Variants in REXO4 observed in about 807,000 individuals in gnomAD.
REXO4 encodes the protein RNA exonuclease 4.
REXO4 carries 29 observed loss-of-function variants against 39.9 expected under a neutral mutation model. The ratio of observed to expected loss-of-function variants is 0.73; its 90% CI spans 0.54 to 0.99. The LOEUF is 0.99. Ranked by LOEUF, REXO4 falls within the 50% of genes least tolerant of loss-of-function variation. The probability of loss-of-function intolerance (pLI) is 0.00; values close to 1 mark genes in which losing one functional copy is unlikely to be tolerated. For missense variants in REXO4, 524 were observed against 546.5 expected (o/e 0.96, Z 0.41); for synonymous variants, 184 against 206.2 (o/e 0.89, Z 0.92).
chr9:133,407,025 C>T lies in REXO4; in HGVS notation c.1197G>A (p.Lys399=), dbSNP rs1554778992. ...TGTCTCGGGCCATGCTCTCCCACTC[C>T]TTCTTCACCATGACGTACAGCCTCA... The part of the protein sequence containing the change: ...AAMRLYVMVK[K]EWESMARDRR... Residue 399 remains lysine (K), a synonymous_variant, in exon 8 of 8, where the codon AAG becomes AAA. Transcript: ENST00000371942. 2 of 1,597,832 alleles carry T rather than the reference C, an allele frequency of 1.3e-6. No individual in the cohort carries two copies. Among genetic ancestry groups the T allele is most frequent in the East Asian group, 2.2e-5 (1 of 44,858 alleles).
intron 4 of REXO4, among the ~76,000 whole-genome samples, chr9:133,411,498 A>G (rs1839209916): frequency 6.6e-6 from 1 of 152,336 alleles, no homozygotes; most frequent in African/African-American, 2.4e-5. Flanking sequence ...GTGTTGCCCT[A>G]GGCCCTGGGC....
At position 133,406,958 on chromosome 9, in the gene REXO4, C is replaced by A. The variant is rs782558613; in HGVS notation, c.1264G>T (p.Ala422Ser). The change falls in exon 8 of 8, where the codon GCC (alanine) becomes TCC (serine). Residue 422 changes from alanine to serine, a missense_variant. By Grantham distance (99) the Ala-to-Ser change is moderately conservative (BLOSUM62 1). Transcript: ENST00000371942. The part of the protein sequence containing the change: ...LTAPDHCSDD[A>S] The stretch of plus-strand genomic sequence containing the variant: ...GCAGCAGCAGGGCAGGACTGCTAGG[C>A]GTCGTCACTGCAGTGGTCTGGAGCA... The A allele has an allele frequency of 3.1e-6, 5 of 1,610,910 alleles. No homozygotes were observed. The South Asian group carries it at 4.4e-5, about 14-fold the overall frequency.
intron 7 of REXO4, 105 bp downstream of exon 7, chr9:133,407,702 G>A (rs1838977901): frequency 2.6e-6 from 2 of 773,688 alleles, no homozygotes; most frequent in African/African-American, 1.8e-5. Context: ...GGATAAGTAG[G>A]TGCCCAAGCC....
At chr9:133,408,450 C>G (rs587650517) in intron 6 of REXO4, among the ~76,000 whole-genome samples, 2 of 148,818 alleles carry the variant, frequency 1.3e-5, no homozygotes, top group Non-Finnish European at 3.0e-5. Flanking sequence ...CAGAGCAAGA[C>G]CCTGTCTAAA....
At chr9:133,408,931 T>C in intron 5 of REXO4, 89 bp from the exon 6 acceptor site, 1 of 530,676 alleles carries the variant, frequency 1.9e-6, no homozygotes, top group Non-Finnish European at 3.3e-6. Flanking sequence ...GCAAGTAACA[T>C]CTTTGTGTGT....
At position 133,412,809 on chromosome 9, in the gene REXO4, G is replaced by C; in HGVS notation, c.685C>G (p.Leu229Val). Reference protein sequence around the residue: ...QLGQSEGSVSLSLVKEQAFGG... With the variant: ...QLGQSEGSVSVSLVKEQAFGG... The stretch of plus-strand genomic sequence containing the variant: ...AAGGCCTGCTCTTTCACGAGGCTGA[G>C]GCTGACGCTGCCCTCGCTCTGACCC... Residue 229 changes from leucine (L) to valine (V), a missense_variant, in exon 3 of 8, where the codon CTC becomes GTC. Leu to Val is a conservative substitution (Grantham distance 32). Transcript: ENST00000371942. 1 of 1,613,656 alleles carries C rather than the reference G, an allele frequency of 6.2e-7. No individual in the cohort carries two copies. Among genetic ancestry groups the C allele is most frequent in the Non-Finnish European group, 8.5e-7 (1 of 1,180,024 alleles).
intron 4 of REXO4, among the ~76,000 whole-genome samples, chr9:133,411,878 A>G (rs1191627067): frequency 1.3e-5 from 2 of 152,092 alleles, no homozygotes; most frequent in African/African-American, 4.8e-5. Context: ...GTGAGCCCAG[A>G]TTGTGCCATT....
intron 2 of REXO4, 161 bp downstream of exon 2, chr9:133,414,504 A>G: frequency 5.4e-6 from 4 of 746,188 alleles, no homozygotes; most frequent in Non-Finnish European, 9.5e-6. Flanking sequence ...TCATGCGCAC[A>G]CTCTAGGGGA....
At chr9:133,411,324 A>C (rs587773908) in intron 4 of REXO4, among the ~76,000 whole-genome samples, 2 of 152,232 alleles carry the variant, frequency 1.3e-5, no homozygotes, top group Non-Finnish European at 2.9e-5. Flanking sequence ...CACAGTCTGC[A>C]AAGTCGGCTC....
At chr9:133,409,363 T>C (rs983254203) in intron 5 of REXO4, among the ~76,000 whole-genome samples, 1 of 152,162 alleles carries the variant, frequency 6.6e-6, no homozygotes, top group Non-Finnish European at 1.5e-5. Flanking sequence ...TTTATTGCAC[T>C]GACTTAAGCT....
chr9:133,417,950 C>G lies in REXO4; in HGVS notation c.-106G>C. On this transcript the variant is annotated 5_prime_UTR_variant, in exon 1 of 8. Transcript: ENST00000371942. ...CCTGCCCAGGCCAGGCCGAAACACACCCACCGCAGGGACCCCGTCCAGGAA... is the reference window on the plus strand; with the variant it reads ...CCTGCCCAGGCCAGGCCGAAACACAGCCACCGCAGGGACCCCGTCCAGGAA... 16 of 1,058,442 alleles carry G rather than the reference C, an allele frequency of 1.5e-5. No individual in the cohort carries two copies. The South Asian group carries it at 2.4e-4, about 16-fold the overall frequency. The allele number at this position is 1,058,442 out of a possible 1,614,324, so 65.6% of individuals were successfully genotyped here. A position where few individuals can be genotyped will look rare whatever the true frequency, so the allele number is the denominator to read the frequency against.
Position 133,408,760 on chromosome 9 carries a change from C to A in REXO4, c.1074+8G>T. ...TACAGTATCTTGAGTCACACTCATT[C>A]TAAGTACCTTTACTTGACTCTTGAA... is the stretch of plus-strand genomic sequence containing the variant. On this transcript the variant is annotated splice_region_variant and intron_variant, in intron 6 of 7. Coordinates refer to ENST00000371942, the MANE Select transcript of REXO4 (RefSeq NM_020385.4). 4.4e-6 allele frequency: 7 copies of A among 1,573,092 alleles called. No homozygotes were observed. The highest frequency in any genetic ancestry group is 6.1e-6 in the Non-Finnish European group (7 of 1,145,770).
At chr9:133,408,930 ATCTTTGTGTGTGTGTGTGTGTGTGTG>A in intron 5 of REXO4, 88 bp from the exon 6 acceptor site, 1 of 529,932 alleles carries the variant, frequency 1.9e-6, no homozygotes, top group Non-Finnish European at 3.3e-6. Context: ...TGCAAGTAAC[ATCTTTGTGTGTGTGTGTGTGTGTGTG>A]TGTGTGTGTG....
chr9:133,407,051 T>C lies in REXO4; in HGVS notation c.1171A>G (p.Met391Val), dbSNP rs1049998148. Residue 391 changes from methionine to valine, a missense_variant, in exon 8 of 8, where the codon ATG becomes GTG. Physicochemically the swap from Met to Val is conservative, Grantham distance 21. Coordinates refer to ENST00000371942, the MANE Select transcript of REXO4 (RefSeq NM_020385.4). Reference protein sequence around the residue: ...HCSIQDAQAAMRLYVMVKKEW... With the variant: ...HCSIQDAQAAVRLYVMVKKEW... The stretch of plus-strand genomic sequence containing the variant: ...TTCTTCACCATGACGTACAGCCTCA[T>C]TGCTGCCTGGGCATCCTGAATCTAG... The C allele has an allele frequency of 6.2e-7, 1 of 1,613,208 alleles. No homozygotes were observed. The highest frequency in any genetic ancestry group is 1.3e-5 in the African/African-American group (1 of 74,920).
intron 5 of REXO4, among the ~76,000 whole-genome samples, chr9:133,409,358 T>C (rs4962141): frequency 0.1 from 15,977 of 152,162 alleles, 1,051 homozygotes; most frequent in African/African-American, 0.18. Context: ...GGAAATTTAT[T>C]GCACTGACTT....
rs587706754 is a variant in REXO4, at chr9:133,407,733, T to C, written c.1149+74A>G. ...AAGCCCCACCTCCCCCATGTCTGTG[T>C]CAGGTGACTCATGTCTGGTTCCAGG... is the stretch of plus-strand genomic sequence containing the variant. On this transcript the variant is annotated intron_variant, in intron 7 of 7. Coordinates refer to ENST00000371942, the MANE Select transcript of REXO4 (RefSeq NM_020385.4). 4 of 1,184,452 alleles carry C rather than the reference T, an allele frequency of 3.4e-6. No homozygotes were observed. The Admixed American group carries it at 7.5e-5, about 22-fold the overall frequency. 73.4% of individuals were successfully genotyped at this position (1,184,452 alleles called of 1,614,324 possible). A position where few individuals can be genotyped will look rare whatever the true frequency, so the allele number is the denominator to read the frequency against.
intron 1 of REXO4, chr9:133,415,713 GA>G (rs1433064601): frequency 1.3e-5 from 2 of 152,240 alleles, no homozygotes; most frequent in Non-Finnish European, 2.9e-5. Context: ...GGATGAATTA[GA>G]AAACACTCCA....
rs587595681 is a variant in REXO4 at position 133,411,033 on chromosome 9, C to G, written c.951G>C (p.Met317Ile). The change falls in exon 5 of 8, where the codon ATG (methionine) becomes ATC (isoleucine). Residue 317 changes from methionine (M) to isoleucine (I), a missense_variant. Coordinates refer to ENST00000371942, the MANE Select transcript of REXO4 (RefSeq NM_020385.4). ...GCCCCACTAGAATTCTGCCCTTCAG[C>G]ATCTCTGCCACTTCCTTCTGAACAA... ...LEVVQKEVAE[M>I]LKGRILVGHA... The G allele has an allele frequency of 6.2e-7, 1 of 1,614,208 alleles. No individual in the cohort carries two copies. The highest frequency in any genetic ancestry group is 1.3e-5 in the African/African-American group (1 of 75,066).
At chr9:133,410,448 T>G (rs923167008) in intron 5 of REXO4, among the ~76,000 whole-genome samples, 1 of 152,226 alleles carries the variant, frequency 6.6e-6, no homozygotes, top group Non-Finnish European at 1.5e-5. Flanking sequence ...GCCCAGGGTC[T>G]GTATATGTCT....
Sources: gnomAD v4.1 joint callset for allele counts (sites outside exome capture counted in the v4.1 genomes callset) on GRCh38, gnomAD v4.1.1 for gene constraint, MANE v1.5 for transcripts, NCBI Gene and HGNC (gene_info 2026-07-23, HGNC 2026-07-21) for gene names.